CDH13: variants seen among roughly 807,000 people sequenced by gnomAD.
The protein encoded by CDH13 is cadherin-13.
Under a neutral mutation model 63.8 loss-of-function variants are expected in CDH13, and 24 were observed. That is an observed-to-expected ratio of 0.38 (90% CI 0.27 to 0.53). CDH13 has a LOEUF of 0.53. CDH13 is among the 20% of genes least tolerant of loss of function. The pLI, the probability that CDH13 is intolerant of heterozygous loss-of-function variation, is 0.85. For synonymous variants in CDH13, 503 were observed against 355.3 expected, an observed-to-expected ratio of 1.42 and a Z score of -4.67; for missense variants, 1,049 against 903.1, an observed-to-expected ratio of 1.16 and a Z score of -2.07.
At chr16:83,249,787 A>C (rs574166454) in intron 5 of CDH13, among the ~76,000 whole-genome samples, 23 of 152,336 alleles carry the variant, frequency 1.5e-4, no homozygotes, top group African/African-American at 5.1e-4. Context: ...TTCTTGGAAC[A>C]AACAGGATTT....
chr16:83,010,074 G>C (rs1913965003), intron 2 of CDH13, among the ~76,000 whole-genome samples: 2 of 141,048 alleles, frequency 1.4e-5, no homozygotes, highest in South Asian at 4.6e-4. Flanking sequence ...GGTGGAGGTT[G>C]CAGTGAGCTG....
chr16:83,100,704 T>G (rs1251611337), intron 3 of CDH13, among the ~76,000 whole-genome samples: 1 of 152,212 alleles, frequency 6.6e-6, no homozygotes, highest in Non-Finnish European at 1.5e-5. Flanking sequence ...ATAAGAATTT[T>G]GGGTTAGCTC....
chr16:83,704,535 G>A (rs1906720578), intron 10 of CDH13, among the ~76,000 whole-genome samples: 1 of 152,150 alleles, frequency 6.6e-6, no homozygotes. Flanking sequence ...ATCCCACCAG[G>A]AAGCCATTGT....
At chr16:82,760,359 G>A (rs2034786034) in intron 1 of CDH13, among the ~76,000 whole-genome samples, 1 of 152,212 alleles carries the variant, frequency 6.6e-6, no homozygotes, top group East Asian at 1.9e-4. Flanking sequence ...TTAGGAAGTG[G>A]CCACATCATA....
intron 10 of CDH13, chr16:83,725,526 T>C (rs1205492507): frequency 6.6e-6 from 1 of 152,416 alleles, no homozygotes; most frequent in Non-Finnish European, 1.5e-5. Context: ...GTATGATGTG[T>C]CCTGGTCACG....
chr16:83,334,186 G>A (rs1057228279), intron 5 of CDH13, among the ~76,000 whole-genome samples: 10 of 151,632 alleles, frequency 6.6e-5, no homozygotes, highest in African/African-American at 1.7e-4. Flanking sequence ...CCCTCTTAAC[G>A]ACTCATGATT....
chr16:83,148,835 C>T (rs1314556053), intron 4 of CDH13, among the ~76,000 whole-genome samples: 1 of 151,910 alleles, frequency 6.6e-6, no homozygotes, highest in Non-Finnish European at 1.5e-5. Flanking sequence ...AATATTTACT[C>T]TTTTTTAAAG....
chr16:83,693,750 A>G (rs942161167), intron 10 of CDH13, among the ~76,000 whole-genome samples: 1 of 152,232 alleles, frequency 6.6e-6, no homozygotes, highest in African/African-American at 2.4e-5. Context: ...CAATTTTTCT[A>G]GAGCACACAT....
chr16:83,669,223 G>A (rs370964994), intron 8 of CDH13, among the ~76,000 whole-genome samples: 2 of 152,004 alleles, frequency 1.3e-5, no homozygotes, highest in South Asian at 2.1e-4. Flanking sequence ...AGAGGACCCC[G>A]GGCAGTTTCT....
chr16:82,879,483 ATAATT>A (rs1482862493), intron 2 of CDH13, among the ~76,000 whole-genome samples: 2 of 145,290 alleles, frequency 1.4e-5, no homozygotes, highest in African/African-American at 2.5e-5. Flanking sequence ...TATAAAATAT[ATAATT>A]TAATTAAATA....
chr16:83,158,414 C>G (rs1019666451), intron 4 of CDH13, among the ~76,000 whole-genome samples: 16 of 152,146 alleles, frequency 1.1e-4, no homozygotes, highest in African/African-American at 3.9e-4. Flanking sequence ...ATAACTCTGC[C>G]CCTTCACAGC....
At chr16:82,825,828 C>G (rs984564159) in intron 1 of CDH13, 1 of 151,410 alleles carries the variant, frequency 6.6e-6, no homozygotes, top group Non-Finnish European at 1.5e-5. Flanking sequence ...ATTACAGGCG[C>G]AAGCCACTGT....
intron 7 of CDH13, among the ~76,000 whole-genome samples, chr16:83,530,652 CCA>C (rs1023326100): frequency 6.6e-6 from 1 of 152,206 alleles, no homozygotes; most frequent in Non-Finnish European, 1.5e-5. Flanking sequence ...ATCATCTTAA[CCA>C]CACACACAAG....
chr16:82,685,791 A>T (rs1004831869), intron 1 of CDH13, among the ~76,000 whole-genome samples: 3 of 152,140 alleles, frequency 2.0e-5, no homozygotes, highest in African/African-American at 7.2e-5. Flanking sequence ...GAGAGGTTTA[A>T]CCAAGTCTAG....
At chr16:83,582,178 C>A (rs8054168) in intron 7 of CDH13, among the ~76,000 whole-genome samples, 62,181 of 151,988 alleles carry the variant, frequency 0.41, 13,380 homozygotes, top group Middle Eastern at 0.51. Flanking sequence ...AGGGCTGCTC[C>A]CAGCATTTTA....
intron 4 of CDH13, among the ~76,000 whole-genome samples, chr16:83,127,190 T>C (rs1286440727): frequency 6.6e-6 from 1 of 152,130 alleles, no homozygotes; most frequent in East Asian, 1.9e-4. Flanking sequence ...TAAGCAAGGA[T>C]GACAGTGGTA....
At chr16:83,735,647 C>T (rs1911471549) in intron 10 of CDH13, 1 of 152,136 alleles carries the variant, frequency 6.6e-6, no homozygotes, top group Non-Finnish European at 1.5e-5. Context: ...TAGCGTAATT[C>T]TTATACTCTG....
chr16:82,998,792 C>T (rs1054392905), intron 2 of CDH13, among the ~76,000 whole-genome samples: 9 of 151,396 alleles, frequency 5.9e-5, no homozygotes, highest in African/African-American at 2.2e-4. Context: ...TTCACAGGCT[C>T]CCCTAAATCT....
At chr16:83,408,541 A>G (rs1461502096) in intron 6 of CDH13, among the ~76,000 whole-genome samples, 1 of 152,236 alleles carries the variant, frequency 6.6e-6, no homozygotes, top group Non-Finnish European at 1.5e-5. Context: ...TAGAAAAGAT[A>G]CCATAAAAAT....
Sources: allele counts gnomAD v4.1 joint callset (sites outside exome capture counted in the v4.1 genomes callset), GRCh38; gene constraint gnomAD v4.1.1; transcripts MANE v1.5; gene names NCBI Gene and HGNC (gene_info 2026-07-23, HGNC 2026-07-21).